Variants in KIAA1671 observed in about 807,000 individuals in gnomAD.
KIAA1671 encodes uncharacterized protein KIAA1671.
A neutral mutation model predicts 131.2 loss-of-function variants in KIAA1671; 52 were observed. That is an observed-to-expected ratio of 0.40 (90% confidence interval 0.32 to 0.50). The LOEUF is 0.50. Ranked by LOEUF, KIAA1671 falls within the 20% of genes least tolerant of loss-of-function variation. The pLI is 0.73. For synonymous variants in KIAA1671, 1,003 were observed against 961.6 expected (o/e 1.04, Z -0.80); for missense variants, 2,360 against 2,364.2 (o/e 1.00, Z 0.04).
intron 1 of KIAA1671, among the ~76,000 whole-genome samples, chr22:25,021,839 T>C (rs2123892402): frequency 1.3e-5 from 2 of 151,268 alleles, no homozygotes; most frequent in Middle Eastern, 6.8e-3. Context: ...CAGGCTGGAG[T>C]GCAGTGGTGC....
chr22:25,003,901 T>TCTGCCTCCTGGGTTCAAGCAGTTTTC (rs1924603058), intron 1 of KIAA1671, among the ~76,000 whole-genome samples: 1 of 151,438 alleles, frequency 6.6e-6, no homozygotes, highest in Non-Finnish European at 1.5e-5. Flanking sequence ...CACTGCAGCC[T>TCTGCCTCCTGGGTTCAAGCAGTTTTC]CTGCCTCCTG....
At chr22:25,002,489 G>A (rs1223641241) in intron 1 of KIAA1671, among the ~76,000 whole-genome samples, 3 of 152,154 alleles carry the variant, frequency 2.0e-5, no homozygotes, top group Non-Finnish European at 2.9e-5. Flanking sequence ...TTAGTCTTTG[G>A]TGGAGGGCTG....
At position 25,009,253 on chromosome 22, in the gene KIAA1671, C is replaced by CTTT. The variant is rs35147267; in HGVS notation, c.-207-16353_-207-16351dup. Among the ~76,000 whole-genome samples the CTTT allele has an allele frequency of 3.1e-3, 195 of 62,796 alleles. 17 individuals are homozygous for CTTT. Among genetic ancestry groups the CTTT allele is most frequent in the African/African-American group, 7.8e-3 (125 of 16,038 alleles). 41.2% of individuals were successfully genotyped at this position (62,796 alleles called of 152,430 possible). A position where few individuals can be genotyped will look rare whatever the true frequency, so the allele number is the denominator to read the frequency against. On this transcript the variant is annotated intron_variant, in intron 1 of 12. Transcript: ENST00000358431. ...ATTTCTTGGCACTCTCCCTTCCCCA[C>CTTT]TTTTTTTTTTTTTTTTTTTTTTTTT...
Position 25,039,935 on chromosome 22 carries a change from GA to G in KIAA1671, c.2808del (p.Ala937ProfsTer20). The part of the protein sequence containing the change: ...QVPQPAVRMR[K>X]AGAMDQRMDR... ...TGCCACAGCCTGCAGTCAGAATGCG[GA>G]AAGCCGGCGCCATGGACCAGAGAAT... On this transcript the variant is annotated frameshift_variant, in exon 5 of 13. Transcript: ENST00000358431. LOFTEE classifies it high-confidence loss of function. 6.4e-7 allele frequency: 1 copy of G among 1,551,532 alleles called. No homozygotes were observed. Among genetic ancestry groups the G allele is most frequent in the Non-Finnish European group, 8.7e-7 (1 of 1,146,978 alleles).
intron 6 of KIAA1671, among the ~76,000 whole-genome samples, chr22:25,098,058 T>C (rs963587925): frequency 3.3e-5 from 5 of 152,106 alleles, no homozygotes; most frequent in Non-Finnish European, 7.3e-5. Context: ...TGCCCCCAGG[T>C]CCCCTTGGCC....
chr22:25,121,209 T>C (rs1443732126), intron 6 of KIAA1671, among the ~76,000 whole-genome samples: 3 of 152,152 alleles, frequency 2.0e-5, no homozygotes, highest in Non-Finnish European at 2.9e-5. Flanking sequence ...ACGCCTGTAG[T>C]CCCAGCACTT....
intron 1 of KIAA1671, among the ~76,000 whole-genome samples, chr22:24,988,323 C>T (rs538307755): frequency 1.3e-5 from 2 of 151,906 alleles, no homozygotes; most frequent in East Asian, 3.9e-4. Context: ...CTCAGCCCCC[C>T]AAACTGGGAG....
intron 1 of KIAA1671, among the ~76,000 whole-genome samples, chr22:24,971,110 C>G (rs1010449121): frequency 6.6e-6 from 1 of 152,184 alleles, no homozygotes; most frequent in East Asian, 1.9e-4. Flanking sequence ...GCACGTGCCA[C>G]CATGCCCAGC....
chr22:25,138,967 T>C (rs1339399558), intron 6 of KIAA1671, among the ~76,000 whole-genome samples: 1 of 152,158 alleles, frequency 6.6e-6, no homozygotes, highest in African/African-American at 2.4e-5. Flanking sequence ...CTTCCTGGTC[T>C]TCCCTCTGAG....
intron 6 of KIAA1671, among the ~76,000 whole-genome samples, chr22:25,155,514 A>G (rs1933201178): frequency 6.6e-6 from 1 of 151,360 alleles, no homozygotes; most frequent in Non-Finnish European, 1.5e-5. Context: ...ATGTATTTAT[A>G]TGTGTTTTTG....
chr22:25,045,092 C>T (rs1039872666), intron 5 of KIAA1671, among the ~76,000 whole-genome samples: 6 of 151,920 alleles, frequency 3.9e-5, no homozygotes, highest in East Asian at 1.9e-4. Context: ...ACCCGGGAGG[C>T]GGAGCTTTCA....
chr22:25,156,011 GCTTTTTTTTTT>G (rs1933226603), intron 6 of KIAA1671, among the ~76,000 whole-genome samples: 1 of 71,822 alleles, frequency 1.4e-5, no homozygotes, highest in African/African-American at 5.1e-5. Context: ...GTGTGTATGT[GCTTTTTTTTTT>G]TTTTTTTTTT....
Position 25,029,262 on chromosome 22 carries a change from G to A in KIAA1671, c.1263G>A (p.Ala421=), listed in dbSNP as rs942608351. The A allele has an allele frequency of 5.7e-4, 858 of 1,499,570 alleles. 1 individual carries two copies. The highest frequency in any genetic ancestry group is 7.2e-4 in the Non-Finnish European group (804 of 1,118,696). 92.9% of individuals were successfully genotyped at this position (1,499,570 alleles called of 1,614,324 possible). Residue 421 remains alanine (A), a synonymous_variant, in exon 3 of 13, where the codon GCG becomes GCA. Transcript: ENST00000358431. ...TTGCTGAGGTTAAGAGCAGAGTGGC[G>A]GATGGGGAGGCCGCGGCAGGGGGAG... ...LELAEVKSRV[A]DGEAAAGGEW...
chr22:25,040,500 A>T lies in KIAA1671; in HGVS notation c.3370A>T (p.Ile1124Phe), dbSNP rs1486911595. 1.7e-5 allele frequency: 27 copies of T among 1,551,716 alleles called. No homozygotes were observed. Among genetic ancestry groups the T allele is most frequent in the Non-Finnish European group, 2.4e-5 (27 of 1,146,980 alleles). ...AWSLDPFNGRIIDVDALWSHR... is the reference protein window; with the variant it reads ...AWSLDPFNGRFIDVDALWSHR... ...GAGTCTGGACCCTTTCAATGGAAGA[A>T]TCATTGATGTGGATGCCTTATGGAG... Residue 1124 changes from isoleucine (I) to phenylalanine (F), a missense_variant, in exon 5 of 13, where the codon ATC (isoleucine) becomes TTC (phenylalanine). Ile to Phe is a conservative substitution (Grantham distance 21). This residue lies in a region of KIAA1671 where 1,161 missense variants were observed against 1,204.7 expected (regional missense o/e 0.96). Transcript: ENST00000358431.
chr22:24,996,311 T>G (rs1924134025), intron 1 of KIAA1671, among the ~76,000 whole-genome samples: 1 of 151,570 alleles, frequency 6.6e-6, no homozygotes, highest in Non-Finnish European at 1.5e-5. Context: ...CTTATAGAGA[T>G]GAAAGTAAAG....
chr22:25,102,190 G>A (rs573002978), intron 6 of KIAA1671, among the ~76,000 whole-genome samples: 4 of 152,314 alleles, frequency 2.6e-5, no homozygotes, highest in African/African-American at 7.2e-5. Context: ...GGTTGCAGAC[G>A]CTGTCAAAGT....
intron 1 of KIAA1671, among the ~76,000 whole-genome samples, chr22:24,974,236 CTT>C (rs894276374): frequency 1.8e-4 from 28 of 152,178 alleles, no homozygotes; most frequent in Admixed American, 6.5e-4. Context: ...TCCAGCCTGA[CTT>C]TTCCCAGCCT....
At chr22:25,184,098 T>C (rs1418510475) in intron 10 of KIAA1671, among the ~76,000 whole-genome samples, 1 of 152,206 alleles carries the variant, frequency 6.6e-6, no homozygotes, top group African/African-American at 2.4e-5. Flanking sequence ...CTTCAATCTC[T>C]ACCACAGCAG....
In KIAA1671 at chr22:25,039,220, A is replaced by G; in HGVS notation, c.2090A>G (p.Tyr697Cys). Residue 697 changes from tyrosine to cysteine, a missense_variant, in exon 5 of 13, where the codon TAT becomes TGT. Physicochemically the swap from Tyr to Cys is radical, Grantham distance 194. This residue lies in a region of KIAA1671 where 1,185 missense variants were observed against 1,126.2 expected (regional missense o/e 1.05). Coordinates refer to ENST00000358431, the MANE Select transcript of KIAA1671 (RefSeq NM_001145206.2). The part of the protein sequence containing the change: ...TTLLNGELRP[Y>C]HTPLRDKYPL... ...CTTTTGAATGGTGAACTGAGACCGTATCACACGCCTCTCCGGGACAAATAC... is the reference window on the plus strand; with the variant it reads ...CTTTTGAATGGTGAACTGAGACCGTGTCACACGCCTCTCCGGGACAAATAC... 1 of 1,552,296 alleles carries G rather than the reference A, an allele frequency of 6.4e-7. No homozygotes were observed. Among genetic ancestry groups the G allele is most frequent in the Non-Finnish European group, 8.7e-7 (1 of 1,147,128 alleles).
Sources: allele counts gnomAD v4.1 joint callset (sites outside exome capture counted in the v4.1 genomes callset), GRCh38; gene constraint gnomAD v4.1.1; regional missense constraint gnomAD v4.1.1; transcripts MANE v1.5; gene names NCBI Gene and HGNC (gene_info 2026-07-23, HGNC 2026-07-21).